The following WWC1 variants were observed in gnomAD, a reference collection of about 807,000 sequenced individuals.
WWC1 encodes the protein protein KIBRA.
A neutral mutation model predicts 138.4 loss-of-function variants in WWC1; 55 were observed. That is an observed-to-expected ratio of 0.40 (90% CI 0.32 to 0.50). The LOEUF is 0.50. WWC1 is among the 20% of genes least tolerant of loss of function. The pLI is 0.72. For missense variants in WWC1, 1,226 were observed against 1,420.4 expected, an observed-to-expected ratio of 0.86 and a Z score of 2.20; for synonymous variants, 524 against 564.9, an observed-to-expected ratio of 0.93 and a Z score of 1.03.
At chr5:168,394,211 A>T (rs946930867) in intron 3 of WWC1, among the ~76,000 whole-genome samples, 1 of 152,218 alleles carries the variant, frequency 6.6e-6, no homozygotes, top group African/African-American at 2.4e-5. Context: ...ATGCATGCAT[A>T]TAACTAGACA....
intron 1 of WWC1, among the ~76,000 whole-genome samples, chr5:168,332,437 T>C (rs1403572204): frequency 6.6e-6 from 1 of 152,212 alleles, no homozygotes; most frequent in African/African-American, 2.4e-5. Context: ...TCTGGTTGCA[T>C]CTAATAATTC....
At chr5:168,352,913 G>C (rs1775096434) in intron 1 of WWC1, among the ~76,000 whole-genome samples, 1 of 152,100 alleles carries the variant, frequency 6.6e-6, no homozygotes, top group Non-Finnish European at 1.5e-5. Context: ...ATACAAAATA[G>C]TACCATCTCA....
Position 168,465,548 on chromosome 5 carries a change from C to CTTTTTTTTTTTTTTTTTTTTTTTT in WWC1, c.3150+591_3150+614dup, listed in dbSNP as rs10527141. 9.6e-4 allele frequency among the ~76,000 whole-genome samples: 45 copies of CTTTTTTTTTTTTTTTTTTTTTTTT among 46,950 alleles called. 22 individuals are homozygous for CTTTTTTTTTTTTTTTTTTTTTTTT. The highest frequency in any genetic ancestry group is 1.5e-3 in the East Asian group (2 of 1,344). 30.8% of individuals were successfully genotyped at this position (46,950 alleles called of 152,430 possible). Reference sequence around the variant, plus strand: ...CACACAAAGTTTTATATCAGCTGGGCTTTTTTTTTTTTTTTTTTTTTTTTT... The same window carrying CTTTTTTTTTTTTTTTTTTTTTTTT: ...CACACAAAGTTTTATATCAGCTGGGCTTTTTTTTTTTTTTTTTTTTTTTTTTTTTTTTTTTTTTTTTTTTTTTTT... On this transcript the variant is annotated intron_variant, in intron 21 of 22. Coordinates refer to ENST00000265293, the MANE Select transcript of WWC1 (RefSeq NM_015238.3).
chr5:168,295,402 GAA>G (rs982078499), intron 1 of WWC1, among the ~76,000 whole-genome samples: 9 of 151,870 alleles, frequency 5.9e-5, no homozygotes, highest in African/African-American at 2.2e-4. Flanking sequence ...GGGTTGGGGA[GAA>G]AAAATTCTGC....
chr5:168,445,045 G>A (rs557434932), intron 17 of WWC1, among the ~76,000 whole-genome samples: 1 of 152,296 alleles, frequency 6.6e-6, no homozygotes, highest in East Asian at 1.9e-4. Context: ...GCCAGGCACG[G>A]TGGCTCATGC....
chr5:168,414,514 C>T lies in WWC1; in HGVS notation c.1108C>T (p.Leu370=), dbSNP rs1339522373. The part of the protein sequence containing the change: ...RKWTQGEVEQ[L]EMARKRLEKD... ...GTGGACCCAGGGGGAGGTGGAGCAG[C>T]TGGAGATGGCCCGGAAGCGGCTGGA... Residue 370 remains leucine, a synonymous_variant, in exon 9 of 23, where the codon CTG becomes TTG. Transcript: ENST00000265293. The T allele has an allele frequency of 6.4e-7, 1 of 1,557,434 alleles. No homozygotes were observed. Among genetic ancestry groups the T allele is most frequent in the Non-Finnish European group, 8.7e-7 (1 of 1,150,038 alleles).
At chr5:168,424,632 G>A (rs912798196) in intron 11 of WWC1, among the ~76,000 whole-genome samples, 69 of 152,292 alleles carry the variant, frequency 4.5e-4, no homozygotes, top group Admixed American at 3.5e-3. Flanking sequence ...CTTGGGAAAA[G>A]CAAGAGCAAA....
rs1187556800 is a variant in WWC1 at position 168,319,241 on chromosome 5, GA to G, written c.119+26973del. Among the ~76,000 whole-genome samples, 7 of 152,184 alleles carry G rather than the reference GA, an allele frequency of 4.6e-5. No homozygotes were observed. In the East Asian group the frequency reaches 1.2e-3, roughly 26 times the overall value. On this transcript the variant is annotated intron_variant, in intron 1 of 22. Coordinates refer to ENST00000265293, the MANE Select transcript of WWC1 (RefSeq NM_015238.3). ...TTGAGACCAGCCTGGCCAACATGGT[GA>G]AACCCCATCTCTACTAAAGATACAA...
At chr5:168,328,396 C>G (rs1772748539) in intron 1 of WWC1, among the ~76,000 whole-genome samples, 1 of 152,138 alleles carries the variant, frequency 6.6e-6, no homozygotes, top group African/African-American at 2.4e-5. Flanking sequence ...CTTGGTTGAT[C>G]TTGACCAATA....
At chr5:168,359,033 G>GGGGTGT (rs1491404850) in intron 1 of WWC1, among the ~76,000 whole-genome samples, 1 of 148,204 alleles carries the variant, frequency 6.7e-6, no homozygotes. Context: ...GTGGTGGTGG[G>GGGGTGT]GTGTGTGTGT....
At chr5:168,339,915 CTCTCTCTCTT>C (rs1378239394) in intron 1 of WWC1, among the ~76,000 whole-genome samples, 124 of 136,870 alleles carry the variant, frequency 9.1e-4, no homozygotes, top group African/African-American at 3.3e-3. Flanking sequence ...CTTTCTCTCT[CTCTCTCTCTT>C]TCTCTCTTTC....
intron 17 of WWC1, among the ~76,000 whole-genome samples, chr5:168,447,370 G>A (rs1755373504): frequency 6.6e-6 from 1 of 152,200 alleles, no homozygotes; most frequent in South Asian, 2.1e-4. Context: ...TTTGCCTTGT[G>A]AGTCGTAAGA....
At chr5:168,414,860 A>C in intron 9 of WWC1, 1 of 461,848 alleles carries the variant, frequency 2.2e-6, no homozygotes, top group Non-Finnish European at 3.8e-6. Context: ...CTTCTGACTC[A>C]ATTAAGCCAC....
chr5:168,469,103 G>C lies in WWC1; in HGVS notation c.*86G>C. 2 of 1,538,514 alleles carry C rather than the reference G, an allele frequency of 1.3e-6. No individual in the cohort carries two copies. The highest frequency in any genetic ancestry group is 1.8e-6 in the Non-Finnish European group (2 of 1,115,766). ...AGTTATTTATGTGGTGTTATATGAA[G>C]GTACTGAGTCACAAGTCCTCTAGTG... On this transcript the variant is annotated 3_prime_UTR_variant, in exon 23 of 23. Coordinates refer to ENST00000265293, the MANE Select transcript of WWC1 (RefSeq NM_015238.3).
chr5:168,367,602 A>G (rs976248640), intron 1 of WWC1, among the ~76,000 whole-genome samples: 1 of 152,102 alleles, frequency 6.6e-6, no homozygotes, highest in African/African-American at 2.4e-5. Context: ...TACAGGCATG[A>G]GCCACTGCGC....
At chr5:168,338,143 T>C (rs112495764) in intron 1 of WWC1, among the ~76,000 whole-genome samples, 8,216 of 151,884 alleles carry the variant, frequency 0.054, 317 homozygotes, top group Non-Finnish European at 0.082. Flanking sequence ...AAACCCCATC[T>C]CTACTAAAAA....
At chr5:168,423,228 C>A (rs997452860) in intron 10 of WWC1, among the ~76,000 whole-genome samples, 1 of 148,882 alleles carries the variant, frequency 6.7e-6, no homozygotes, top group East Asian at 2.0e-4. Context: ...ATAATGGATT[C>A]AACTATGAAA....
intron 1 of WWC1, among the ~76,000 whole-genome samples, chr5:168,368,567 G>GA (rs1776501391): frequency 6.6e-6 from 1 of 152,172 alleles, no homozygotes; most frequent in Non-Finnish European, 1.5e-5. Flanking sequence ...GAATGAGCCA[G>GA]AATGATCTCT....
chr5:168,436,827 A>G (rs1325484962), intron 15 of WWC1, among the ~76,000 whole-genome samples: 1 of 152,038 alleles, frequency 6.6e-6, no homozygotes, highest in Non-Finnish European at 1.5e-5. Context: ...GCCATCTCCT[A>G]CTTGGTTTCC....
Sources: allele counts gnomAD v4.1 joint callset (sites outside exome capture counted in the v4.1 genomes callset), GRCh38; gene constraint gnomAD v4.1.1; transcripts MANE v1.5; gene names NCBI Gene and HGNC (gene_info 2026-07-23, HGNC 2026-07-21).